Variants in MORN1 observed in about 807,000 individuals in gnomAD.
MORN1 encodes the protein MORN repeat-containing protein 1.
In MORN1, 67 loss-of-function variants were observed where a neutral mutation model predicts 61.9. The ratio of observed to expected loss-of-function variants is 1.08; its 90% CI spans 0.89 to 1.33. The LOEUF is 1.33. Among genes scored for constraint, MORN1 ranks in the 40% most tolerant of loss-of-function variants. MORN1 has a pLI of 0.00. For synonymous variants in MORN1, 301 were observed against 292.0 expected (o/e 1.03, Z -0.31); for missense variants, 752 against 691.2 (o/e 1.09, Z -0.99).
At chr1:2,339,478 T>C (rs868552416) in intron 10 of MORN1, among the ~76,000 whole-genome samples, 3 of 152,220 alleles carry the variant, frequency 2.0e-5, no homozygotes, top group South Asian at 2.1e-4. Context: ...ACCCGCCAGG[T>C]GCTCAAGCTG....
At chr1:2,341,956 G>A (rs1569947705) in intron 10 of MORN1, among the ~76,000 whole-genome samples, 1 of 152,224 alleles carries the variant, frequency 6.6e-6, no homozygotes, top group African/African-American at 2.4e-5. Flanking sequence ...GGAACCATTC[G>A]TGATGGAGAG....
intron 4 of MORN1, chr1:2,386,326 C>G (rs1570051766): frequency 6.0e-6 from 1 of 166,428 alleles, no homozygotes. Flanking sequence ...TTGACCTGAA[C>G]GAGGAGAAAC....
chr1:2,335,938 A>G (rs955768145), intron 12 of MORN1, among the ~76,000 whole-genome samples: 3 of 151,532 alleles, frequency 2.0e-5, no homozygotes, highest in African/African-American at 7.4e-5. Flanking sequence ...TCCTCCTGGT[A>G]GAACCGGCCG....
chr1:2,322,828 C>T (rs961559874), intron 13 of MORN1: 4 of 985,326 alleles, frequency 4.1e-6, no homozygotes. Context: ...CCATCTGACC[C>T]CACTCCTGAG....
intron 12 of MORN1, among the ~76,000 whole-genome samples, chr1:2,324,571 C>T (rs1038276867): frequency 5.3e-5 from 8 of 152,300 alleles, no homozygotes; most frequent in South Asian, 2.1e-4. Flanking sequence ...GAAGTCTCAG[C>T]AAGAGGGACC....
intron 10 of MORN1, among the ~76,000 whole-genome samples, chr1:2,353,925 T>G (rs1641704949): frequency 6.6e-6 from 1 of 152,234 alleles, no homozygotes; most frequent in Non-Finnish European, 1.5e-5. Flanking sequence ...GGATCATGGT[T>G]GGGAAGCAGC....
chr1:2,388,010 G>A, intron 3 of MORN1: 1 of 528,534 alleles, frequency 1.9e-6, no homozygotes, highest in East Asian at 3.0e-5. Flanking sequence ...AGTGTAACTT[G>A]GGACAGATAA....
intron 10 of MORN1, among the ~76,000 whole-genome samples, chr1:2,353,300 GTT>G (rs1274507429): frequency 6.6e-6 from 1 of 152,266 alleles, no homozygotes; most frequent in Non-Finnish European, 1.5e-5. Flanking sequence ...CCACCCTTTT[GTT>G]TTCTTTCAGG....
chr1:2,373,259 C>A (rs1162114332), intron 7 of MORN1, among the ~76,000 whole-genome samples: 1 of 152,248 alleles, frequency 6.6e-6, no homozygotes, highest in East Asian at 1.9e-4. Context: ...AAAGGCAGCA[C>A]AGGCGATGCC....
chr1:2,332,907 G>T (rs1352845436), intron 12 of MORN1, among the ~76,000 whole-genome samples: 1 of 152,178 alleles, frequency 6.6e-6, no homozygotes, highest in Non-Finnish European at 1.5e-5. Flanking sequence ...GCTCGGGCTG[G>T]GGCTCCGTGA....
chr1:2,386,771 G>C (rs951032626), intron 4 of MORN1: 3 of 152,738 alleles, frequency 2.0e-5, no homozygotes, highest in Admixed American at 2.0e-4. Flanking sequence ...AAGAAGCTCC[G>C]TCTGTGGTGG....
At position 2,357,832 on chromosome 1, in the gene MORN1, C is replaced by T. The variant is rs1004163410; in HGVS notation, c.870-234G>A. Among the ~76,000 whole-genome samples, 5 of 152,134 alleles carry T rather than the reference C, an allele frequency of 3.3e-5. No individual in the cohort carries two copies. Among genetic ancestry groups the T allele is most frequent in the Non-Finnish European group, 7.4e-5 (5 of 68,024 alleles). Reference sequence around the variant, plus strand: ...TTGGCTTGAAGGAAGAGCTGCCTGCCGCCCCCATTATTATTTATGACAACT... The same window carrying T: ...TTGGCTTGAAGGAAGAGCTGCCTGCTGCCCCCATTATTATTTATGACAACT... On this transcript the variant is annotated intron_variant, in intron 9 of 13. Transcript: ENST00000378531. This position sits in a 1 kb window ranked among gnomAD's most constrained non-coding sequence, Gnocchi z 6.3.
rs376498712 is a variant in MORN1 at position 2,385,054 on chromosome 1, T to C, written c.461A>G (p.Lys154Arg). ...PGQMLFQNGD[K>R]YDGDWVRDRR... ...GTCCCGGACCCAGTCGCCGTCGTAC[T>C]TGTCACCGTTCCTGGGGGACACACG... is the stretch of plus-strand genomic sequence containing the variant. The change falls in exon 6 of 14, where the codon AAG becomes AGG. Residue 154 changes from lysine (K) to arginine (R), a missense_variant. By Grantham distance (26) the Lys-to-Arg change is conservative. Coordinates refer to ENST00000378531, the MANE Select transcript of MORN1 (RefSeq NM_024848.3). The C allele has an allele frequency of 6.3e-6, 10 of 1,594,606 alleles. No individual in the cohort carries two copies. The highest frequency in any genetic ancestry group is 8.5e-6 in the Non-Finnish European group (10 of 1,172,024).
At chr1:2,351,241 C>T (rs2279704) in intron 10 of MORN1, 46,813 of 152,710 alleles carry the variant, frequency 0.31, 7,894 homozygotes, top group South Asian at 0.44. Context: ...CACGCTCACC[C>T]CCAGCACTGG....
In MORN1 at chr1:2,372,564, C is replaced by T; in HGVS notation, c.662G>A (p.Gly221Asp). 1 of 1,613,612 alleles carries T rather than the reference C, an allele frequency of 6.2e-7. No homozygotes were observed. Among genetic ancestry groups the T allele is most frequent in the East Asian group, 2.2e-5 (1 of 44,834 alleles). Residue 221 changes from glycine (G) to aspartate (D), a missense_variant, in exon 8 of 14, where the codon GGT becomes GAT. By Grantham distance (94) the Gly-to-Asp change is moderately conservative (BLOSUM62 -1). Transcript: ENST00000378531. This position sits in a 1 kb window ranked among gnomAD's most constrained non-coding sequence, Gnocchi z 5.4. The stretch of plus-strand genomic sequence containing the variant: ...TTGGGCCACTTCCATCACCTCCGGA[C>T]CCAAGATCACGATCCTCGTAGCTTG... Reference protein sequence around the residue: ...AEQATRIVILGPEVMEVAQGS... With the variant: ...AEQATRIVILDPEVMEVAQGS...
rs1314335280 is a variant in MORN1 at position 2,357,356 on chromosome 1, C to T, written c.1036+76G>A. ...CTCCTGCTCTGGCCTGGTTCTGGGT[C>T]CCCATGACCCCACCCCCACCTTGAC... is the stretch of plus-strand genomic sequence containing the variant. On this transcript the variant is annotated intron_variant, in intron 10 of 13. Transcript: ENST00000378531. This position sits in a 1 kb window ranked among gnomAD's most constrained non-coding sequence, Gnocchi z 6.3. The T allele has an allele frequency of 6.7e-7, 1 of 1,489,056 alleles. No individual in the cohort carries two copies. The highest frequency in any genetic ancestry group is 9.1e-7 in the Non-Finnish European group (1 of 1,104,666). The allele number at this position is 1,489,056 out of a possible 1,614,324, so 92.2% of individuals were successfully genotyped here.
At chr1:2,385,753 C>A (rs769356260) in intron 5 of MORN1, 54 bp downstream of exon 5, 72 of 1,532,952 alleles carry the variant, frequency 4.7e-5, no homozygotes, top group Non-Finnish European at 6.2e-5. Context: ...TGGCCTCACA[C>A]CTGCCCTGTG....
intron 5 of MORN1, chr1:2,385,384 ACT>A: frequency 2.2e-6 from 1 of 449,784 alleles, no homozygotes; most frequent in South Asian, 2.6e-5. Flanking sequence ...TGAGGCTGAG[ACT>A]CCGCCGTGGG....
chr1:2,389,838 C>A, intron 2 of MORN1, 87 bp downstream of exon 2: 1 of 1,197,358 alleles, frequency 8.4e-7, no homozygotes, highest in Non-Finnish European at 1.2e-6. Flanking sequence ...CAGGAAATGC[C>A]ACTTGCCCAC....
Sources: gnomAD v4.1 joint callset for allele counts (sites outside exome capture counted in the v4.1 genomes callset) on GRCh38, gnomAD v4.1.1 for gene constraint, Gnocchi (gnomAD v3.1) non-coding constraint, MANE v1.5 for transcripts, NCBI Gene and HGNC (gene_info 2026-07-23, HGNC 2026-07-21) for gene names.